The following SYT1 variants were observed in gnomAD, a reference collection of about 807,000 sequenced individuals.
The protein encoded by SYT1 is synaptotagmin-1.
A neutral mutation model predicts 44.8 loss-of-function variants in SYT1; 8 were observed. That is an observed-to-expected ratio of 0.18 (90% confidence interval 0.10 to 0.32). The LOEUF (loss-of-function observed/expected upper bound fraction) is 0.32. Ranked by LOEUF, SYT1 falls within the 10% of genes least tolerant of loss-of-function variation. The pLI is 1.00. For synonymous variants in SYT1, 154 were observed against 188.8 expected (o/e 0.82, Z 1.51); for missense variants, 286 against 509.3 (o/e 0.56, Z 4.22).
chr12:79,216,007 C>T (rs1874778544), intron 3 of SYT1, among the ~76,000 whole-genome samples: 1 of 134,678 alleles, frequency 7.4e-6, no homozygotes, highest in East Asian at 2.5e-4. Flanking sequence ...TCTTGGCTCA[C>T]TGCAACCTCT....
intron 8 of SYT1, among the ~76,000 whole-genome samples, chr12:79,319,790 A>G (rs551482542): frequency 1.2e-4 from 19 of 152,282 alleles, no homozygotes; most frequent in African/African-American, 4.6e-4. Context: ...TCTATTCCCC[A>G]TCCTTTGCTT....
chr12:79,092,744 G>A (rs1877864801), intron 3 of SYT1, among the ~76,000 whole-genome samples: 1 of 151,614 alleles, frequency 6.6e-6, no homozygotes, highest in African/African-American at 2.4e-5. Context: ...ACTTGTGAGA[G>A]TCTTTTCTAT....
At chr12:78,870,837 A>G (rs975008234) in intron 1 of SYT1, among the ~76,000 whole-genome samples, 1 of 152,006 alleles carries the variant, frequency 6.6e-6, no homozygotes, top group African/African-American at 2.4e-5. Context: ...CTGCTTTGAG[A>G]TTCCTTGACA....
chr12:79,132,428 G>A (rs1350798421), intron 3 of SYT1, among the ~76,000 whole-genome samples: 1 of 146,918 alleles, frequency 6.8e-6, no homozygotes, highest in Non-Finnish European at 1.5e-5. Context: ...CAGCCTGAGC[G>A]ACAGAGCAAG....
intron 3 of SYT1, among the ~76,000 whole-genome samples, chr12:79,189,709 G>C (rs781504429): frequency 6.6e-6 from 1 of 152,096 alleles, no homozygotes; most frequent in African/African-American, 2.4e-5. Context: ...TTTGAGACTA[G>C]CCTGGCTAAC....
At position 79,111,992 on chromosome 12, in the gene SYT1, T is replaced by C. The variant is rs578115468; in HGVS notation, c.-18+64630T>C. ...AAATAATAGATACAATCTTTGCCCT[T>C]GAGAGAACTTAAAGTTTAGTTAGAA... On this transcript the variant is annotated intron_variant, in intron 3 of 10. Transcript: ENST00000261205. Among the ~76,000 whole-genome samples, 3 of 151,152 alleles carry C rather than the reference T, an allele frequency of 2.0e-5. No individual in the cohort carries two copies. The South Asian group carries it at 6.3e-4, about 32-fold the overall frequency.
At chr12:79,217,765 G>T in intron 4 of SYT1, 80 bp downstream of exon 4, 1 of 1,146,342 alleles carries the variant, frequency 8.7e-7, no homozygotes, top group Non-Finnish European at 1.2e-6. Flanking sequence ...GTAGAACTCC[G>T]TTTGATATAC....
chr12:79,151,149 G>T (rs1870248592), intron 3 of SYT1, among the ~76,000 whole-genome samples: 1 of 152,110 alleles, frequency 6.6e-6, no homozygotes, highest in African/African-American at 2.4e-5. Flanking sequence ...TAAACCTATT[G>T]AAGAAACCAC....
chr12:79,080,629 A>G (rs537420176), intron 3 of SYT1, among the ~76,000 whole-genome samples: 1 of 152,306 alleles, frequency 6.6e-6, no homozygotes, highest in South Asian at 2.1e-4. Context: ...TTATAGGCTA[A>G]ATATCACAAG....
intron 4 of SYT1, among the ~76,000 whole-genome samples, chr12:79,270,342 T>A (rs1175697945): frequency 6.6e-6 from 1 of 152,154 alleles, no homozygotes; most frequent in Non-Finnish European, 1.5e-5. Flanking sequence ...AATGCACACA[T>A]TAGTGCAGTG....
intron 3 of SYT1, among the ~76,000 whole-genome samples, chr12:79,102,714 G>A (rs2400369): frequency 0.09 from 13,707 of 152,148 alleles, 834 homozygotes; most frequent in Non-Finnish European, 0.14. Context: ...AAACATATTC[G>A]AAATACCTCA....
intron 1 of SYT1, among the ~76,000 whole-genome samples, chr12:78,970,446 G>C (rs1249463884): frequency 6.6e-6 from 1 of 152,036 alleles, no homozygotes; most frequent in Admixed American, 6.5e-5. Flanking sequence ...TTACATCCTG[G>C]ACTAACTCAG....
intron 1 of SYT1, chr12:78,868,888 A>C (rs987892194): frequency 6.6e-6 from 1 of 151,860 alleles, no homozygotes; most frequent in Non-Finnish European, 1.5e-5. Context: ...CTCTCAGTAC[A>C]AGATGATGCA....
At chr12:78,891,675 T>C (rs895326472) in intron 1 of SYT1, among the ~76,000 whole-genome samples, 12 of 151,862 alleles carry the variant, frequency 7.9e-5, no homozygotes, top group African/African-American at 2.9e-4. Flanking sequence ...CCTCAGAACA[T>C]GTAGGATAAA....
intron 2 of SYT1, among the ~76,000 whole-genome samples, chr12:79,035,830 T>C (rs1020336852): frequency 2.0e-4 from 31 of 151,732 alleles, no homozygotes; most frequent in Middle Eastern, 3.4e-3. Context: ...GCTTTTTAAA[T>C]AGACCTTTCT....
intron 8 of SYT1, among the ~76,000 whole-genome samples, chr12:79,349,611 T>TGTG (rs1436080542): frequency 9.9e-5 from 15 of 152,176 alleles, no homozygotes; most frequent in African/African-American, 3.4e-4. Context: ...AGGGCTATTC[T>TGTG]AGAAAAAAGT....
intron 9 of SYT1, among the ~76,000 whole-genome samples, chr12:79,388,168 A>G (rs544133914): frequency 6.6e-6 from 1 of 152,310 alleles, no homozygotes; most frequent in East Asian, 1.9e-4. Context: ...ACAAACATTT[A>G]AACCTGTGTG....
At chr12:79,289,005 A>G (rs1055965985) in intron 5 of SYT1, among the ~76,000 whole-genome samples, 1 of 152,186 alleles carries the variant, frequency 6.6e-6, no homozygotes, top group Non-Finnish European at 1.5e-5. Flanking sequence ...TAAACACGCT[A>G]ACAGATTAAA....
chr12:79,349,583 T>C (rs2135997310), intron 8 of SYT1, among the ~76,000 whole-genome samples: 1 of 152,228 alleles, frequency 6.6e-6, no homozygotes, highest in Non-Finnish European at 1.5e-5. Context: ...AAAATGGACA[T>C]AACAGTACCT....
Sources: gnomAD v4.1 joint callset for allele counts (sites outside exome capture counted in the v4.1 genomes callset) on GRCh38, gnomAD v4.1.1 for gene constraint, MANE v1.5 for transcripts, NCBI Gene and HGNC (gene_info 2026-07-23, HGNC 2026-07-21) for gene names.